KLB: variants seen among roughly 807,000 people sequenced by gnomAD.
The protein encoded by KLB is beta-klotho.
Under a neutral mutation model 88.4 loss-of-function variants are expected in KLB, and 44 were observed. The ratio of observed to expected loss-of-function variants is 0.50; its 90% confidence interval spans 0.39 to 0.64. KLB has a LOEUF of 0.64. KLB is among the 30% of genes least tolerant of loss of function. The pLI, the probability that KLB is intolerant of heterozygous loss-of-function variation, is 0.00. For synonymous variants in KLB, 548 were observed against 513.4 expected, an observed-to-expected ratio of 1.07 and a Z score of -0.91; for missense variants, 1,137 against 1,304.8, an observed-to-expected ratio of 0.87 and a Z score of 1.98.
chr4:39,448,488 C>T lies in KLB; in HGVS notation c.2937C>T (p.Thr979=), dbSNP rs139981622. 2 of 1,614,058 alleles carry T rather than the reference C, an allele frequency of 1.2e-6. No individual in the cohort carries two copies. The highest frequency in any genetic ancestry group is 1.7e-6 in the Non-Finnish European group (2 of 1,179,952). Reference sequence around the variant, plus strand: ...ACAGTAGTTCTAGATGCAGTCAGACCCAAGAAAATACAGAGTGCACTGTCT... The same window carrying T: ...ACAGTAGTTCTAGATGCAGTCAGACTCAAGAAAATACAGAGTGCACTGTCT... The part of the protein sequence containing the change: ...FENSSSRCSQ[T]QENTECTVCL... Residue 979 remains threonine (T), a synonymous_variant, in exon 5 of 5, where the codon ACC becomes ACT. Transcript: ENST00000257408.
In KLB at chr4:39,449,415, AT is replaced by A. The variant is rs1743840445; in HGVS notation, c.*730del. The stretch of plus-strand genomic sequence containing the variant: ...CTTTAAACTGGGTAGTCAGTGATAG[AT>A]AATATATATTCTGTCACTTCTAATA... On this transcript the variant is annotated 3_prime_UTR_variant, in exon 5 of 5. Coordinates refer to ENST00000257408, the MANE Select transcript of KLB (RefSeq NM_175737.4). 6.6e-6 allele frequency: 1 copy of A among 152,032 alleles called. No homozygotes were observed. Among genetic ancestry groups the A allele is most frequent in the South Asian group, 2.1e-4 (1 of 4,814 alleles). 9.4% of individuals were successfully genotyped at this position (152,032 alleles called of 1,614,324 possible). A position where few individuals can be genotyped will look rare whatever the true frequency, so the allele number is the denominator to read the frequency against.
Position 39,447,226 on chromosome 4 carries a change from G to GAGC in KLB, c.2504_2506dup (p.Gln835dup). ...CTTCACCACTAGGTTCGTGATGCAC[G>GAGC]AGCAGCTGGCCGGCAGCCGCTACGA... On this transcript the variant is annotated inframe_insertion, in exon 4 of 5. Coordinates refer to ENST00000257408, the MANE Select transcript of KLB (RefSeq NM_175737.4). 6.2e-7 allele frequency: 1 copy of GAGC among 1,614,072 alleles called. No individual in the cohort carries two copies. Among genetic ancestry groups the GAGC allele is most frequent in the Non-Finnish European group, 8.5e-7 (1 of 1,180,046 alleles).
In KLB at chr4:39,446,449, C is replaced by T; in HGVS notation, c.1723C>T (p.Gln575Ter). ...EGVRLKTRPA[Q>*]CTDFVNIKKQ... ...GGTGAGGCTGAAAACACGACCCGCT[C>T]AATGCACAGATTTTGTAAACATCAA... is the stretch of plus-strand genomic sequence containing the variant. Residue 575 changes from glutamine (Q) to a stop codon, truncating the protein, a stop_gained, in exon 4 of 5, where the codon CAA (glutamine) becomes TAA (stop). Coordinates refer to ENST00000257408, the MANE Select transcript of KLB (RefSeq NM_175737.4). LOFTEE classifies it high-confidence loss of function. This position sits in a 1 kb window ranked among gnomAD's most constrained non-coding sequence, Gnocchi z 6.4. The T allele has an allele frequency of 6.2e-7, 1 of 1,614,222 alleles. No homozygotes were observed. Among genetic ancestry groups the T allele is most frequent in the Non-Finnish European group, 8.5e-7 (1 of 1,180,036 alleles).
At chr4:39,426,133 T>A (rs1743207005) in intron 1 of KLB, among the ~76,000 whole-genome samples, 1 of 151,900 alleles carries the variant, frequency 6.6e-6, no homozygotes, top group Non-Finnish European at 1.5e-5. Context: ...GCACCTGTAG[T>A]CCCAGCTACT....
rs1418350677 is a variant in KLB, at chr4:39,430,917, T to TG, written c.826-3293_826-3292insG. Among the ~76,000 whole-genome samples, 7 of 128,118 alleles carry TG rather than the reference T, an allele frequency of 5.5e-5. No individual in the cohort carries two copies. The East Asian group carries it at 7.5e-4, about 14-fold the overall frequency. 84.1% of individuals were successfully genotyped at this position (128,118 alleles called of 152,430 possible). ...GAGCCACTGCTCCCGGTTGGAAAGT[T>TG]TTTTTTTTTTTTCCCCTGAGTCAGG... On this transcript the variant is annotated intron_variant, in intron 1 of 4. Coordinates refer to ENST00000257408, the MANE Select transcript of KLB (RefSeq NM_175737.4).
Position 39,407,452 on chromosome 4 carries a change from A to G in KLB, c.503A>G (p.Asn168Ser), listed in dbSNP as rs1304796492. ...CCCGATGGAATAGTAACAGTTGCCA[A>G]CGCAAAAGGTCTGCAGTACTACAGT... ...LFPDGIVTVA[N>S]AKGLQYYSTL... Residue 168 changes from asparagine (N) to serine (S), a missense_variant, in exon 1 of 5, where the codon AAC (asparagine) becomes AGC (serine). Coordinates refer to ENST00000257408, the MANE Select transcript of KLB (RefSeq NM_175737.4). The G allele has an allele frequency of 1.7e-5, 27 of 1,614,214 alleles. No individual in the cohort carries two copies. The highest frequency in any genetic ancestry group is 2.2e-5 in the Non-Finnish European group (26 of 1,180,022).
chr4:39,427,464 C>T (rs934869785), intron 1 of KLB, among the ~76,000 whole-genome samples: 1 of 127,402 alleles, frequency 7.8e-6, no homozygotes, highest in African/African-American at 3.1e-5. Flanking sequence ...GCCTGGGTGA[C>T]AGAGGGAGAC....
chr4:39,407,942 T>C (rs1186506475), intron 1 of KLB, among the ~76,000 whole-genome samples, 168 bp downstream of exon 1: 2 of 152,260 alleles, frequency 1.3e-5, no homozygotes, highest in African/African-American at 4.8e-5. Context: ...GTTTTATTTA[T>C]CTAAGGTATT....
Position 39,424,700 on chromosome 4 carries a change from C to T in KLB, c.826-9510C>T, listed in dbSNP as rs536194433. Among the ~76,000 whole-genome samples the T allele has an allele frequency of 4.0e-5, 6 of 148,364 alleles. 1 individual carries two copies. The highest frequency in any genetic ancestry group is 7.9e-5 in the African/African-American group (3 of 38,028). ...AGGCTGGAGTGCAGTGGCGCTATCT[C>T]GGCTCACTGCAACCTTTGCATCCCG... is the stretch of plus-strand genomic sequence containing the variant. On this transcript the variant is annotated intron_variant, in intron 1 of 4. Transcript: ENST00000257408.
At position 39,451,193 on chromosome 4, in the gene KLB, T is replaced by C. The variant is rs1004325601; in HGVS notation, c.*2507T>C. 1 of 152,222 alleles carries C rather than the reference T, an allele frequency of 6.6e-6. No homozygotes were observed. Among genetic ancestry groups the C allele is most frequent in the African/African-American group, 2.4e-5 (1 of 41,460 alleles). The allele number at this position is 152,222 out of a possible 1,614,324, so 9.4% of individuals were successfully genotyped here. A position where few individuals can be genotyped will look rare whatever the true frequency, so the allele number is the denominator to read the frequency against. ...TAAATTTTTTAACCACTGGCAAATA[T>C]GTACAGCAAATTAGGTTAAGCATTT... On this transcript the variant is annotated 3_prime_UTR_variant, in exon 5 of 5. Coordinates refer to ENST00000257408, the MANE Select transcript of KLB (RefSeq NM_175737.4).
Position 39,434,769 on chromosome 4 carries a change from G to A in KLB, c.1336+49G>A, listed in dbSNP as rs779189305. 2.0e-5 allele frequency: 28 copies of A among 1,395,024 alleles called. No homozygotes were observed. The Middle Eastern group carries it at 1.1e-3, about 55-fold the overall frequency. 86.4% of individuals were successfully genotyped at this position (1,395,024 alleles called of 1,614,324 possible). On this transcript the variant is annotated intron_variant, in intron 2 of 4. Coordinates refer to ENST00000257408, the MANE Select transcript of KLB (RefSeq NM_175737.4). ...TTTTAAAAATTCTAAAAACTTACAGGATATTTAAAGTCACCTTTGAATATG... is the reference window on the plus strand; with the variant it reads ...TTTTAAAAATTCTAAAAACTTACAGAATATTTAAAGTCACCTTTGAATATG...
chr4:39,407,526 T>A lies in KLB; in HGVS notation c.577T>A (p.Leu193Ile). 6.2e-7 allele frequency: 1 copy of A among 1,614,140 alleles called. No individual in the cohort carries two copies. The highest frequency in any genetic ancestry group is 1.1e-5 in the South Asian group (1 of 91,084). Reference protein sequence around the residue: ...VLRNIEPIVTLYHWDLPLALQ... With the variant: ...VLRNIEPIVTIYHWDLPLALQ... ...TAGAAACATTGAACCTATAGTTACT[T>A]TATACCACTGGGATTTGCCTTTGGC... The change falls in exon 1 of 5, where the codon TTA becomes ATA. Residue 193 changes from leucine (L) to isoleucine (I), a missense_variant. Coordinates refer to ENST00000257408, the MANE Select transcript of KLB (RefSeq NM_175737.4).
chr4:39,434,922 T>A (rs1743439535), intron 2 of KLB, among the ~76,000 whole-genome samples: 1 of 151,888 alleles, frequency 6.6e-6, no homozygotes, highest in Non-Finnish European at 1.5e-5. Context: ...TTCTCCTGCC[T>A]CAGCCTCCCA....
At chr4:39,419,999 A>G (rs976488693) in intron 1 of KLB, among the ~76,000 whole-genome samples, 1 of 151,898 alleles carries the variant, frequency 6.6e-6, no homozygotes, top group Admixed American at 6.6e-5. Context: ...GATTAAAACT[A>G]CTGAACATTA....
intron 3 of KLB, among the ~76,000 whole-genome samples, chr4:39,441,325 T>C (rs1743591959): frequency 6.6e-6 from 1 of 152,206 alleles, no homozygotes; most frequent in Non-Finnish European, 1.5e-5. Context: ...ACTATTCATA[T>C]TCAAATTTTG....
chr4:39,442,236 T>C (rs1188532218), intron 3 of KLB, among the ~76,000 whole-genome samples: 2 of 149,756 alleles, frequency 1.3e-5, no homozygotes, highest in African/African-American at 2.5e-5. Flanking sequence ...AGCAAGACCC[T>C]GTCTCAAAAA....
At chr4:39,428,992 A>T (rs1395706024) in intron 1 of KLB, among the ~76,000 whole-genome samples, 2 of 152,198 alleles carry the variant, frequency 1.3e-5, no homozygotes, top group African/African-American at 4.8e-5. Flanking sequence ...TACAGGCATG[A>T]GCCATGGCAC....
At position 39,434,596 on chromosome 4, in the gene KLB, A is replaced by G. The variant is rs1743430605; in HGVS notation, c.1212A>G (p.Lys404=). ...TAAGAGAAGCGCTGAACTGGATTAA[A>G]CTGGAATACAACAACCCTCGAATCT... ...LNLREALNWI[K]LEYNNPRILI... is the part of the protein sequence containing the mutation. The change falls in exon 2 of 5, where the codon AAA becomes AAG. Residue 404 remains lysine, a synonymous_variant. Transcript: ENST00000257408. 20 of 1,614,054 alleles carry G rather than the reference A, an allele frequency of 1.2e-5. No homozygotes were observed. Among genetic ancestry groups the G allele is most frequent in the Non-Finnish European group, 1.6e-5 (19 of 1,180,054 alleles).
chr4:39,409,176 A>G (rs186025076), intron 1 of KLB, among the ~76,000 whole-genome samples: 15 of 152,198 alleles, frequency 9.9e-5, no homozygotes, highest in Admixed American at 9.8e-4. Context: ...GTGTGGGTAT[A>G]CTGTGATTTG....
Sources: allele counts gnomAD v4.1 joint callset (sites outside exome capture counted in the v4.1 genomes callset), GRCh38; gene constraint gnomAD v4.1.1; non-coding constraint Gnocchi (gnomAD v3.1); transcripts MANE v1.5; gene names NCBI Gene and HGNC (gene_info 2026-07-23, HGNC 2026-07-21).